CNBD1: variants seen among roughly 807,000 people sequenced by gnomAD.
CNBD1 encodes cyclic nucleotide-binding domain-containing protein 1.
Under a neutral mutation model 54.4 loss-of-function variants are expected in CNBD1, and 71 were observed. The ratio of observed to expected loss-of-function variants is 1.30; its 90% CI spans 1.08 to 1.59. CNBD1 has a LOEUF of 1.59. Ranked by LOEUF, CNBD1 falls within the 40% of genes most tolerant of loss-of-function variation. The pLI is 0.00. For missense variants in CNBD1, 659 were observed against 518.0 expected, an observed-to-expected ratio of 1.27 and a Z score of -2.64; for synonymous variants, 182 against 170.7, an observed-to-expected ratio of 1.07 and a Z score of -0.51.
chr8:86,872,891 T>A (rs1228447122), intron 1 of CNBD1, among the ~76,000 whole-genome samples: 2 of 152,160 alleles, frequency 1.3e-5, no homozygotes, highest in Non-Finnish European at 2.9e-5. Flanking sequence ...CTCTGTTGTT[T>A]CCTTTTCTGT....
intron 4 of CNBD1, among the ~76,000 whole-genome samples, chr8:87,111,959 C>T (rs990916268): frequency 6.6e-6 from 1 of 152,186 alleles, no homozygotes; most frequent in Non-Finnish European, 1.5e-5. Flanking sequence ...CTACAGAGCA[C>T]GTACAACTAC....
intron 6 of CNBD1, among the ~76,000 whole-genome samples, chr8:87,255,050 G>A (rs1390203173): frequency 6.6e-6 from 1 of 151,982 alleles, no homozygotes; most frequent in Non-Finnish European, 1.5e-5. Context: ...CGAAAGAAGG[G>A]GTTTGATTAT....
At chr8:87,205,552 G>A (rs1813954624) in intron 4 of CNBD1, among the ~76,000 whole-genome samples, 1 of 152,072 alleles carries the variant, frequency 6.6e-6, no homozygotes, top group Non-Finnish European at 1.5e-5. Flanking sequence ...AAGTGTTAAA[G>A]TATATTTCCA....
chr8:87,084,912 T>G (rs2130670457), intron 4 of CNBD1, among the ~76,000 whole-genome samples: 1 of 152,258 alleles, frequency 6.6e-6, no homozygotes, highest in East Asian at 1.9e-4. Flanking sequence ...CAACCTCAGG[T>G]GATCCACCTG....
chr8:87,058,457 C>T (rs962063380), intron 4 of CNBD1, among the ~76,000 whole-genome samples: 2 of 152,176 alleles, frequency 1.3e-5, no homozygotes, highest in African/African-American at 4.8e-5. Context: ...CTGCACTGCC[C>T]CAGCAGAGGT....
At chr8:87,288,796 A>G (rs1808738299) in intron 8 of CNBD1, among the ~76,000 whole-genome samples, 1 of 152,140 alleles carries the variant, frequency 6.6e-6, no homozygotes, top group Non-Finnish European at 1.5e-5. Flanking sequence ...TCCCAAACAT[A>G]TAAATGTGTG....
intron 2 of CNBD1, among the ~76,000 whole-genome samples, chr8:87,393,789 C>T (rs1811357030): frequency 6.6e-6 from 1 of 151,792 alleles, no homozygotes; most frequent in African/African-American, 2.4e-5. Context: ...AATGAGACTT[C>T]TTCTAGGCTT....
At chr8:87,347,932 A>G (rs1308216353) in intron 8 of CNBD1, among the ~76,000 whole-genome samples, 2 of 152,272 alleles carry the variant, frequency 1.3e-5, no homozygotes, top group Non-Finnish European at 2.9e-5. Context: ...TATTTTAGTA[A>G]GTTCTTTGGA....
intron 8 of CNBD1, among the ~76,000 whole-genome samples, chr8:87,350,825 C>T (rs1158283926): frequency 2.0e-5 from 3 of 151,772 alleles, no homozygotes; most frequent in African/African-American, 7.3e-5. Flanking sequence ...TATATATTGC[C>T]AAGTATTTAA....
intron 5 of CNBD1, among the ~76,000 whole-genome samples, chr8:87,218,637 T>C (rs1191107449): frequency 6.6e-5 from 10 of 152,056 alleles, no homozygotes. Context: ...CTAAATCCTG[T>C]AACTGATCAT....
intron 8 of CNBD1, among the ~76,000 whole-genome samples, chr8:87,325,768 C>T (rs10106088): frequency 0.011 from 1,688 of 148,338 alleles, 45 homozygotes; most frequent in African/African-American, 0.04. Context: ...ACTTGCCAGT[C>T]TGTGTCTTTT....
At chr8:87,012,955 A>G (rs902952934) in intron 4 of CNBD1, among the ~76,000 whole-genome samples, 5 of 152,222 alleles carry the variant, frequency 3.3e-5, no homozygotes, top group East Asian at 1.9e-4. Context: ...GGGCTATGTC[A>G]TAGGCCATGG....
chr8:87,115,354 A>G (rs1246878991), intron 4 of CNBD1, among the ~76,000 whole-genome samples: 1 of 152,196 alleles, frequency 6.6e-6, no homozygotes, highest in Non-Finnish European at 1.5e-5. Flanking sequence ...TATATGTCTA[A>G]GCTTGTCTCC....
chr8:87,319,670 G>T (rs1020690117), intron 8 of CNBD1, among the ~76,000 whole-genome samples: 1 of 151,988 alleles, frequency 6.6e-6, no homozygotes, highest in Non-Finnish European at 1.5e-5. Flanking sequence ...TTACAGAAAA[G>T]TAACATGTTT....
chr8:86,953,709 A>G (rs1807685986), intron 4 of CNBD1, among the ~76,000 whole-genome samples: 1 of 152,014 alleles, frequency 6.6e-6, no homozygotes, highest in Admixed American at 6.6e-5. Flanking sequence ...CTCTACAACA[A>G]TACAAAAATT....
At chr8:87,031,681 A>G (rs546837345) in intron 4 of CNBD1, among the ~76,000 whole-genome samples, 68 of 152,212 alleles carry the variant, frequency 4.5e-4, no homozygotes, top group Non-Finnish European at 9.0e-4. Context: ...ACACTCTTAA[A>G]TCTCATTCCT....
chr8:87,165,394 C>A (rs1007425253), intron 4 of CNBD1, among the ~76,000 whole-genome samples: 11 of 151,812 alleles, frequency 7.2e-5, no homozygotes, highest in Non-Finnish European at 1.5e-4. Flanking sequence ...TCCAATTCTT[C>A]TTTCAGTTGT....
intron 4 of CNBD1, among the ~76,000 whole-genome samples, chr8:87,109,540 C>CTTTTTTTTTTTTT (rs35541466): frequency 1.9e-5 from 2 of 107,968 alleles, no homozygotes; most frequent in Non-Finnish European, 2.1e-5. Context: ...TTCTTTCTTT[C>CTTTTTTTTTTTTT]TTTTTTTTTT....
Position 87,311,921 on chromosome 8 carries a change from A to G in CNBD1, c.1042+25250A>G, listed in dbSNP as rs773143753. ...GACACTCATGGACATAAAGGTGCCA[A>G]CTGTAGACAATGGGGACTACCAGAG... On this transcript the variant is annotated intron_variant, in intron 8 of 10. Coordinates refer to ENST00000518476, the MANE Select transcript of CNBD1 (RefSeq NM_173538.3). Among the ~76,000 whole-genome samples the G allele has an allele frequency of 1.1e-4, 16 of 152,208 alleles. No homozygotes were observed. The East Asian group carries it at 2.5e-3, about 24-fold the overall frequency.
Sources: gnomAD v4.1 joint callset for allele counts (sites outside exome capture counted in the v4.1 genomes callset) on GRCh38, gnomAD v4.1.1 for gene constraint, MANE v1.5 for transcripts, NCBI Gene and HGNC (gene_info 2026-07-23, HGNC 2026-07-21) for gene names.